The following GABRA2 variants were observed in gnomAD, a reference collection of about 807,000 sequenced individuals.
GABRA2 encodes gamma-aminobutyric acid type A receptor subunit alpha2, also known as gamma-aminobutyric acid receptor subunit alpha-2.
In GABRA2, 16 loss-of-function variants were observed where a neutral mutation model predicts 48.7. The observed-to-expected ratio is 0.33, with a 90% CI of 0.22 to 0.50. The LOEUF is 0.50. Ranked by LOEUF, GABRA2 falls within the 20% of genes least tolerant of loss-of-function variation. The probability of loss-of-function intolerance (pLI) is 0.98; values close to 1 mark genes in which losing one functional copy is unlikely to be tolerated. For synonymous variants in GABRA2, 185 were observed against 184.5 expected (o/e 1.00, Z -0.02); for missense variants, 275 against 535.6 (o/e 0.51, Z 4.80).
At chr4:46,377,632 G>A (rs996313234) in intron 3 of GABRA2, among the ~76,000 whole-genome samples, 4 of 148,142 alleles carry the variant, frequency 2.7e-5, no homozygotes, top group African/African-American at 5.0e-5. Flanking sequence ...CCGGCTAGCC[G>A]CCCGGTCCAG....
chr4:46,312,165 G>T (rs1727751054), intron 5 of GABRA2, among the ~76,000 whole-genome samples: 1 of 152,020 alleles, frequency 6.6e-6, no homozygotes, highest in Non-Finnish European at 1.5e-5. Flanking sequence ...TATCTGATAA[G>T]ATATTAAAAT....
chr4:46,349,666 A>G (rs1242240613), intron 3 of GABRA2, among the ~76,000 whole-genome samples: 1 of 151,946 alleles, frequency 6.6e-6, no homozygotes, highest in Admixed American at 6.6e-5. Context: ...AACCCTTGCT[A>G]TCTTTCCCTG....
At chr4:46,252,854 C>T (rs1715063906) in intron 9 of GABRA2, among the ~76,000 whole-genome samples, 1 of 151,352 alleles carries the variant, frequency 6.6e-6, no homozygotes, top group Admixed American at 6.6e-5. Flanking sequence ...CAGCTTGTAA[C>T]TTGACAAAAG....
At chr4:46,331,236 T>C (rs1440130) in intron 4 of GABRA2, among the ~76,000 whole-genome samples, 62,815 of 152,016 alleles carry the variant, frequency 0.41, 13,423 homozygotes, top group East Asian at 0.56. Flanking sequence ...ATAATTTTAA[T>C]GGACTGCCAA....
At chr4:46,275,206 G>A (rs538966472) in intron 8 of GABRA2, among the ~76,000 whole-genome samples, 7 of 152,070 alleles carry the variant, frequency 4.6e-5, no homozygotes, top group African/African-American at 1.7e-4. Context: ...TCTGTTCCTC[G>A]ATTTTTAAAA....
intron 3 of GABRA2, among the ~76,000 whole-genome samples, chr4:46,342,162 T>C (rs1451731138): frequency 6.6e-6 from 1 of 152,040 alleles, no homozygotes; most frequent in Non-Finnish European, 1.5e-5. Flanking sequence ...ACAATGAAAG[T>C]TAAAATGACA....
chr4:46,362,276 T>C (rs1196649300), intron 3 of GABRA2, among the ~76,000 whole-genome samples: 4 of 152,192 alleles, frequency 2.6e-5, no homozygotes, highest in Non-Finnish European at 5.9e-5. Context: ...TGAGATCTGA[T>C]GATTTTAAAA....
intron 8 of GABRA2, among the ~76,000 whole-genome samples, chr4:46,272,435 G>A (rs1229952875): frequency 1.3e-5 from 2 of 151,832 alleles, no homozygotes; most frequent in East Asian, 1.9e-4. Flanking sequence ...TTTCTTTTAT[G>A]AAGCAAGCAT....
chr4:46,320,602 T>C (rs1729287853), intron 4 of GABRA2, among the ~76,000 whole-genome samples: 1 of 151,818 alleles, frequency 6.6e-6, no homozygotes, highest in East Asian at 1.9e-4. Flanking sequence ...AGAATCTGAA[T>C]CGACAGTTCT....
At chr4:46,316,215 AATATT>A in intron 4 of GABRA2, among the ~76,000 whole-genome samples, 1 of 152,106 alleles carries the variant, frequency 6.6e-6, no homozygotes, top group South Asian at 2.1e-4. Context: ...TATTGCTACA[AATATT>A]CTTGTTCAAC....
intron 8 of GABRA2, among the ~76,000 whole-genome samples, chr4:46,285,183 T>C (rs1283371057): frequency 6.6e-6 from 1 of 152,072 alleles, no homozygotes; most frequent in Non-Finnish European, 1.5e-5. Context: ...AATATTTATT[T>C]ATTTATTTAC....
At chr4:46,363,188 T>C (rs1713489181) in intron 3 of GABRA2, among the ~76,000 whole-genome samples, 1 of 152,052 alleles carries the variant, frequency 6.6e-6, no homozygotes, top group Admixed American at 6.6e-5. Flanking sequence ...AAGAAAGAAA[T>C]ATTGAATGTA....
intron 9 of GABRA2, chr4:46,256,507 G>T (rs182543223): frequency 3.2e-5 from 13 of 410,498 alleles, no homozygotes; most frequent in Middle Eastern, 6.4e-4. Context: ...CAATTTCAGT[G>T]TAAGGAAAAG....
intron 4 of GABRA2, among the ~76,000 whole-genome samples, chr4:46,315,936 C>CAT (rs149528175): frequency 0.11 from 16,474 of 150,602 alleles, 3,020 homozygotes; most frequent in African/African-American, 0.38. Context: ...ACATTTAGTA[C>CAT]ATATATACAC....
At position 46,246,623 on chromosome 4, in the gene GABRA2, T is replaced by C. The variant is rs1391961092; in HGVS notation, c.*3685A>G. Reference sequence around the variant, plus strand: ...AATCCCCTTAAAATTCTGAATGTTTTCATATGATAAAAAATTTGGTCATTG... The same window carrying C: ...AATCCCCTTAAAATTCTGAATGTTTCCATATGATAAAAAATTTGGTCATTG... On this transcript the variant is annotated 3_prime_UTR_variant, in exon 10 of 10. Coordinates refer to ENST00000381620, the MANE Select transcript of GABRA2 (RefSeq NM_000807.4). Among the ~76,000 whole-genome samples, 1 of 151,230 alleles carries C rather than the reference T, an allele frequency of 6.6e-6. No homozygotes were observed. Among genetic ancestry groups the C allele is most frequent in the Non-Finnish European group, 1.5e-5 (1 of 67,444 alleles).
At chr4:46,305,781 T>A in intron 6 of GABRA2, 70 bp from the exon 7 acceptor site, 1 of 1,146,410 alleles carries the variant, frequency 8.7e-7, no homozygotes, top group South Asian at 1.4e-5. Flanking sequence ...ACACGAACGG[T>A]TGTGTATTTC....
intron 3 of GABRA2, among the ~76,000 whole-genome samples, chr4:46,370,079 A>T (rs528492903): frequency 6.6e-6 from 1 of 152,124 alleles, no homozygotes; most frequent in Non-Finnish European, 1.5e-5. Flanking sequence ...TGGAACCAAA[A>T]AAGTGAACAG....
chr4:46,340,849 A>G (rs1733093107), intron 3 of GABRA2, among the ~76,000 whole-genome samples: 1 of 151,860 alleles, frequency 6.6e-6, no homozygotes, highest in South Asian at 2.1e-4. Flanking sequence ...CTTTCCTTCT[A>G]GAAATTCTAT....
intron 9 of GABRA2, among the ~76,000 whole-genome samples, chr4:46,259,814 T>C (rs1421465300): frequency 6.6e-5 from 10 of 151,902 alleles, no homozygotes; most frequent in Non-Finnish European, 4.4e-5. Flanking sequence ...ATTATAATTT[T>C]CTGCTTAAAA....
Sources: allele counts gnomAD v4.1 joint callset (sites outside exome capture counted in the v4.1 genomes callset), GRCh38; gene constraint gnomAD v4.1.1; transcripts MANE v1.5; gene names NCBI Gene and HGNC (gene_info 2026-07-23, HGNC 2026-07-21).